The following CACNG5 variants were observed in gnomAD, a reference collection of about 807,000 sequenced individuals.
CACNG5 encodes the protein voltage-dependent calcium channel gamma-5 subunit.
A neutral mutation model predicts 24.8 loss-of-function variants in CACNG5; 18 were observed. The ratio of observed to expected loss-of-function variants is 0.73; its 90% CI spans 0.50 to 1.08. CACNG5 has a LOEUF of 1.08. Among genes scored for constraint, CACNG5 ranks in the 50% least tolerant of loss-of-function variants. The pLI is 0.00. For missense variants in CACNG5, 349 were observed against 367.9 expected (o/e 0.95, Z 0.42); for synonymous variants, 157 against 149.1 (o/e 1.05, Z -0.39).
chr17:66,842,300 T>C lies in CACNG5; in HGVS notation c.-104+7050T>C, dbSNP rs1976581014. ...CCACTGCCCCAGGACCTTAACCAAG[T>C]TCCCTGCTGGCTCTTGCTCAGTCTT... On this transcript the variant is annotated intron_variant, in intron 1 of 5. Transcript: ENST00000533854. Among the ~76,000 whole-genome samples, 2 of 152,196 alleles carry C rather than the reference T, an allele frequency of 1.3e-5. 1 individual carries two copies. The highest frequency in any genetic ancestry group is 4.8e-5 in the African/African-American group (2 of 41,450).
rs1977308309 is a variant in CACNG5, at chr17:66,889,313, C to T, written c.*4073C>T. Reference sequence around the variant, plus strand: ...AGTCAATGATGTCCTCCCAGCCCCACCAGTGACCTTCAGAAGAATCCTGTG... The same window carrying T: ...AGTCAATGATGTCCTCCCAGCCCCATCAGTGACCTTCAGAAGAATCCTGTG... On this transcript the variant is annotated 3_prime_UTR_variant, in exon 6 of 6. Transcript: ENST00000533854. 6.6e-6 allele frequency among the ~76,000 whole-genome samples: 1 copy of T among 152,146 alleles called. No homozygotes were observed. The highest frequency in any genetic ancestry group is 6.5e-5 in the Admixed American group (1 of 15,270).
intron 1 of CACNG5, among the ~76,000 whole-genome samples, chr17:66,835,657 T>C (rs1490473750): frequency 6.6e-6 from 1 of 152,208 alleles, no homozygotes; most frequent in Non-Finnish European, 1.5e-5. Context: ...TGAGCTGGGC[T>C]GTCGGCCTAT....
At chr17:66,837,180 T>C (rs1976492532) in intron 1 of CACNG5, among the ~76,000 whole-genome samples, 1 of 152,218 alleles carries the variant, frequency 6.6e-6, no homozygotes, top group South Asian at 2.1e-4. Context: ...TGGCCTCTGC[T>C]TTCTCTAGCC....
At position 66,884,590 on chromosome 17, in the gene CACNG5, G is replaced by A. The variant is rs151297907; in HGVS notation, c.499G>A (p.Ala167Thr). Residue 167 changes from alanine (A) to threonine (T), a missense_variant, in exon 5 of 6, where the codon GCA becomes ACA. Coordinates refer to ENST00000533854, the MANE Select transcript of CACNG5 (RefSeq NM_145811.3). Reference sequence around the variant, plus strand: ...TGAGATGCTCAACAGGACCAAGGATGCAGAGACCTACTTCAACTACAAGTA... The same window carrying A: ...TGAGATGCTCAACAGGACCAAGGATACAGAGACCTACTTCAACTACAAGTA... Reference protein sequence around the residue: ...NDEMLNRTKDAETYFNYKYGW... With the variant: ...NDEMLNRTKDTETYFNYKYGW... 2.1e-5 allele frequency: 34 copies of A among 1,614,070 alleles called. No homozygotes were observed. The African/African-American group carries it at 3.9e-4, about 18-fold the overall frequency.
chr17:66,859,782 C>A (rs1171116865), intron 1 of CACNG5, among the ~76,000 whole-genome samples: 1 of 152,110 alleles, frequency 6.6e-6, no homozygotes, highest in Admixed American at 6.5e-5. Context: ...AAGAATAACT[C>A]AGTGTCCAGC....
intron 1 of CACNG5, among the ~76,000 whole-genome samples, chr17:66,846,059 C>T (rs1393587859): frequency 6.6e-6 from 1 of 152,208 alleles, no homozygotes; most frequent in Non-Finnish European, 1.5e-5. Flanking sequence ...TGAGCCGTTA[C>T]TTCATGGCCC....
chr17:66,850,599 T>TATACAC lies in CACNG5; in HGVS notation c.-104+15350_-104+15351insTACACA, dbSNP rs150985584. Among the ~76,000 whole-genome samples, 1,416 of 142,402 alleles carry TATACAC rather than the reference T, an allele frequency of 9.9e-3. 8 individuals carry two copies. Among genetic ancestry groups the TATACAC allele is most frequent in the South Asian group, 0.028 (128 of 4,630 alleles). 93.4% of individuals were successfully genotyped at this position (142,402 alleles called of 152,430 possible). A position where few individuals can be genotyped will look rare whatever the true frequency, so the allele number is the denominator to read the frequency against. The stretch of plus-strand genomic sequence containing the variant: ...ATATATATATACATACACAAATACA[T>TATACAC]ACACACACACACACACACACACAAT... On this transcript the variant is annotated intron_variant, in intron 1 of 5. Coordinates refer to ENST00000533854, the MANE Select transcript of CACNG5 (RefSeq NM_145811.3).
rs1977358480 is a variant in CACNG5, at chr17:66,892,460, G to A, written c.*7220G>A. Among the ~76,000 whole-genome samples, 1 of 152,258 alleles carries A rather than the reference G, an allele frequency of 6.6e-6. No individual in the cohort carries two copies. Among genetic ancestry groups the A allele is most frequent in the South Asian group, 2.1e-4 (1 of 4,834 alleles). ...ATAAATCCTTAGAAATGATCTCATA[G>A]TCTCGGGCTCTGACTATCAAGTTCA... On this transcript the variant is annotated 3_prime_UTR_variant, in exon 6 of 6. Coordinates refer to ENST00000533854, the MANE Select transcript of CACNG5 (RefSeq NM_145811.3).
intron 1 of CACNG5, among the ~76,000 whole-genome samples, chr17:66,857,708 T>TC (rs1449288110): frequency 6.6e-6 from 1 of 152,208 alleles, no homozygotes; most frequent in Non-Finnish European, 1.5e-5. Context: ...CTAGTCCAGA[T>TC]TAGACCAAAA....
At position 66,889,636 on chromosome 17, in the gene CACNG5, C is replaced by A. The variant is rs1270391218; in HGVS notation, c.*4396C>A. ...GGCAGAGGCTGGTTGGGCTGGAGAC[C>A]CGGTGAGGACTTGCAGTTCAAGTCC... On this transcript the variant is annotated 3_prime_UTR_variant, in exon 6 of 6. Transcript: ENST00000533854. Among the ~76,000 whole-genome samples the A allele has an allele frequency of 3.9e-5, 6 of 152,086 alleles. No homozygotes were observed. Among genetic ancestry groups the A allele is most frequent in the African/African-American group, 1.4e-4 (6 of 41,402 alleles).
chr17:66,879,173 G>T lies in CACNG5; in HGVS notation c.283+115G>T, dbSNP rs2143117286. 9 of 702,260 alleles carry T rather than the reference G, an allele frequency of 1.3e-5. 1 individual carries two copies. The South Asian group carries it at 1.6e-4, about 13-fold the overall frequency. The allele number at this position is 702,260 out of a possible 1,614,324, so 43.5% of individuals were successfully genotyped here. The stretch of plus-strand genomic sequence containing the variant: ...AAGAGGAATGCCCTTAGACTCAGCT[G>T]GGTGTGCTGTCCTGTTAATTAGAGA... On this transcript the variant is annotated intron_variant, in intron 3 of 5. Transcript: ENST00000533854.
Position 66,893,250 on chromosome 17 carries a change from G to A in CACNG5, c.*8010G>A, listed in dbSNP as rs897392324. ...GTAAATGTACCCTCTTCTATAATCA[G>A]AGAAATAATCCAGGTTCCCATCCAA... On this transcript the variant is annotated 3_prime_UTR_variant, in exon 6 of 6. Transcript: ENST00000533854. 6.6e-6 allele frequency among the ~76,000 whole-genome samples: 1 copy of A among 152,122 alleles called. No homozygotes were observed. The highest frequency in any genetic ancestry group is 2.4e-5 in the African/African-American group (1 of 41,426).
intron 1 of CACNG5, among the ~76,000 whole-genome samples, chr17:66,854,619 G>T (rs942071070): frequency 1.8e-4 from 27 of 151,416 alleles, no homozygotes; most frequent in African/African-American, 6.1e-4. Context: ...GCTTGAATCT[G>T]GGAGGCAGAG....
chr17:66,868,852 T>A (rs1976964668), intron 1 of CACNG5, among the ~76,000 whole-genome samples: 1 of 152,030 alleles, frequency 6.6e-6, no homozygotes, highest in African/African-American at 2.4e-5. Context: ...CAGAAAAAAC[T>A]CAAATCTCTC....
At chr17:66,843,061 A>G (rs2144498542) in intron 1 of CACNG5, among the ~76,000 whole-genome samples, 1 of 152,370 alleles carries the variant, frequency 6.6e-6, no homozygotes, top group Admixed American at 6.5e-5. Flanking sequence ...CCACTTTGGA[A>G]GCATCTAGCT....
intron 1 of CACNG5, among the ~76,000 whole-genome samples, chr17:66,867,611 A>G (rs1227914897): frequency 1.3e-5 from 2 of 152,160 alleles, no homozygotes; most frequent in Non-Finnish European, 2.9e-5. Context: ...GGGGTTTTAC[A>G]TTTAAATCTT....
At position 66,836,401 on chromosome 17, in the gene CACNG5, C is replaced by G. The variant is rs534110655; in HGVS notation, c.-104+1151C>G. Among the ~76,000 whole-genome samples the G allele has an allele frequency of 3.4e-4, 52 of 152,338 alleles. No individual in the cohort carries two copies. In the South Asian group the frequency reaches 0.011, roughly 32 times the overall value. On this transcript the variant is annotated intron_variant, in intron 1 of 5. Transcript: ENST00000533854. ...ATTTCCACAAACCTGAAGTCTTGAT[C>G]AATTAACAGCCAGGATTGCCTGGGT...
In CACNG5 at chr17:66,862,892, C is replaced by CTCTG. The variant is rs567913804; in HGVS notation, c.-103-14337_-103-14336insCTGT. On this transcript the variant is annotated intron_variant, in intron 1 of 5. Coordinates refer to ENST00000533854, the MANE Select transcript of CACNG5 (RefSeq NM_145811.3). The stretch of plus-strand genomic sequence containing the variant: ...ACAACCTTGTCTGCCAGCATATTCT[C>CTCTG]TGTGTGTGTGTGTGTGTGTGTGTGT... 1.9e-3 allele frequency among the ~76,000 whole-genome samples: 271 copies of CTCTG among 142,258 alleles called. 1 individual carries two copies. Among genetic ancestry groups the CTCTG allele is most frequent in the Middle Eastern group, 3.7e-3 (1 of 272 alleles). The allele number at this position is 142,258 out of a possible 152,430, so 93.3% of individuals were successfully genotyped here.
At position 66,891,338 on chromosome 17, in the gene CACNG5, C is replaced by T. The variant is rs759637460; in HGVS notation, c.*6098C>T. On this transcript the variant is annotated 3_prime_UTR_variant, in exon 6 of 6. Transcript: ENST00000533854. ...AAAATTTAGTAGCTTAAGACAGCAACAATCATATCATGATTATTTCTGACA... is the reference window on the plus strand; with the variant it reads ...AAAATTTAGTAGCTTAAGACAGCAATAATCATATCATGATTATTTCTGACA... 2.6e-4 allele frequency among the ~76,000 whole-genome samples: 40 copies of T among 152,256 alleles called. No homozygotes were observed. Among genetic ancestry groups the T allele is most frequent in the African/African-American group, 9.6e-4 (40 of 41,544 alleles).
Sources: allele counts gnomAD v4.1 joint callset (sites outside exome capture counted in the v4.1 genomes callset), GRCh38; gene constraint gnomAD v4.1.1; transcripts MANE v1.5; gene names NCBI Gene and HGNC (gene_info 2026-07-23, HGNC 2026-07-21).